Variants in GLYATL1B observed in about 807,000 individuals in gnomAD.
The protein encoded by GLYATL1B is glycine-N-acyltransferase like 1B.
A neutral mutation model predicts 5.5 loss-of-function variants in GLYATL1B; 6 were observed. The ratio of observed to expected loss-of-function variants is 1.09; its 90% CI spans 0.60 to 2.15. GLYATL1B has a LOEUF of 2.15. Among genes scored for constraint, GLYATL1B ranks in the 30% most tolerant of loss-of-function variants. The probability of loss-of-function intolerance (pLI) is 0.00; values close to 1 mark genes in which losing one functional copy is unlikely to be tolerated. For missense variants in GLYATL1B, 135 were observed against 94.1 expected (o/e 1.43, Z -1.80); for synonymous variants, 67 against 34.9 (o/e 1.92, Z -3.24).
intron 2 of GLYATL1B, 139 bp from the exon 3 acceptor site, chr11:59,093,390 T>G: frequency 2.6e-6 from 1 of 381,526 alleles, no homozygotes; most frequent in Non-Finnish European, 4.7e-6. Flanking sequence ...TCACTTATAT[T>G]ATCCACGTGC....
At chr11:59,089,107 C>T (rs1291073388) in intron 2 of GLYATL1B, among the ~76,000 whole-genome samples, 1 of 152,124 alleles carries the variant, frequency 6.6e-6, no homozygotes, top group African/African-American at 2.4e-5. Flanking sequence ...AACGGATATT[C>T]AGTTATGATC....
chr11:59,092,343 T>C (rs1859332699), intron 2 of GLYATL1B, among the ~76,000 whole-genome samples: 2 of 152,164 alleles, frequency 1.3e-5, no homozygotes, highest in Non-Finnish European at 2.9e-5. Context: ...TTACAAATTG[T>C]TCCATTTGTT....
In GLYATL1B at chr11:59,091,193, A is replaced by G. The variant is rs374914829; in HGVS notation, c.187-2336A>G. Among the ~76,000 whole-genome samples the G allele has an allele frequency of 2.6e-5, 4 of 152,130 alleles. No homozygotes were observed. In the South Asian group the frequency reaches 8.3e-4, roughly 31 times the overall value. On this transcript the variant is annotated intron_variant, in intron 2 of 4. Coordinates refer to ENST00000527482, the MANE Select transcript of GLYATL1B (RefSeq NM_001355566.1). ...TCTGTATTCATAAGCCAATATGGTCAGTAACTCTCTTTTTGTTATTTCTTT... is the reference window on the plus strand; with the variant it reads ...TCTGTATTCATAAGCCAATATGGTCGGTAACTCTCTTTTTGTTATTTCTTT...
At chr11:59,093,736 G>A in intron 3 of GLYATL1B, 81 bp downstream of exon 3, 2 of 437,576 alleles carry the variant, frequency 4.6e-6, no homozygotes. Context: ...TCACCTGAGA[G>A]CTCATTAGAA....
intron 2 of GLYATL1B, among the ~76,000 whole-genome samples, chr11:59,088,625 C>T (rs1859241888): frequency 6.6e-6 from 1 of 152,154 alleles, no homozygotes; most frequent in Non-Finnish European, 1.5e-5. Context: ...ACTTTGTAGT[C>T]ACTATGTGTA....
intron 2 of GLYATL1B, among the ~76,000 whole-genome samples, chr11:59,090,533 A>AT (rs1394575867): frequency 6.6e-6 from 1 of 151,808 alleles, no homozygotes; most frequent in East Asian, 1.9e-4. Context: ...ATTTTATATT[A>AT]TTTTTTAAGA....
intron 1 of GLYATL1B, 37 bp downstream of exon 1, chr11:59,086,421 G>A (rs1859196883): frequency 5.0e-6 from 2 of 398,380 alleles, no homozygotes; most frequent in African/African-American, 4.1e-5. Context: ...ATGGGAGTAG[G>A]GGTGTTGAGG....
intron 2 of GLYATL1B, among the ~76,000 whole-genome samples, chr11:59,092,876 A>C (rs117081001): frequency 0.014 from 2,066 of 152,346 alleles, 11 homozygotes; most frequent in African/African-American, 0.022. Context: ...CTTAATGTTT[A>C]TATTCACTAA....
intron 2 of GLYATL1B, among the ~76,000 whole-genome samples, chr11:59,089,284 C>A (rs1859258520): frequency 6.6e-6 from 1 of 152,180 alleles, no homozygotes; most frequent in African/African-American, 2.4e-5. Flanking sequence ...GTTCATACTT[C>A]TTTGCCATTA....
chr11:59,091,190 G>C (rs1004140670), intron 2 of GLYATL1B, among the ~76,000 whole-genome samples: 1 of 152,020 alleles, frequency 6.6e-6, no homozygotes, highest in African/African-American at 2.4e-5. Context: ...AGCCAATATG[G>C]TCAGTAACTC....
chr11:59,093,859 G>C lies in GLYATL1B; in HGVS notation c.314-75G>C, dbSNP rs553641948. ...AACTTTGAGAACTACTAAGCACTGA[G>C]GCATTAATCAGGTGTGAGCAGTGTA... is the stretch of plus-strand genomic sequence containing the variant. On this transcript the variant is annotated intron_variant, in intron 3 of 4. Transcript: ENST00000527482. The C allele has an allele frequency of 3.3e-5, 18 of 545,550 alleles. No homozygotes were observed. In the Admixed American group the frequency reaches 5.5e-4, roughly 17 times the overall value. 33.8% of individuals were successfully genotyped at this position (545,550 alleles called of 1,614,324 possible).
chr11:59,089,538 G>C (rs111752080), intron 2 of GLYATL1B, among the ~76,000 whole-genome samples: 2,063 of 152,168 alleles, frequency 0.014, 40 homozygotes, highest in African/African-American at 0.047. Flanking sequence ...ATGCCAAACT[G>C]GTGGGTGAAA....
intron 2 of GLYATL1B, among the ~76,000 whole-genome samples, chr11:59,087,714 A>G (rs1025015070): frequency 1.1e-4 from 16 of 152,080 alleles, no homozygotes; most frequent in Admixed American, 2.6e-4. Context: ...GGGCATGGTG[A>G]TGCGTGCCTA....
At chr11:59,092,689 A>G (rs1414055508) in intron 2 of GLYATL1B, among the ~76,000 whole-genome samples, 1 of 152,216 alleles carries the variant, frequency 6.6e-6, no homozygotes, top group Non-Finnish European at 1.5e-5. Context: ...GTGGCTTGTG[A>G]GAATGAGATC....
At position 59,094,025 on chromosome 11, in the gene GLYATL1B, G is replaced by A. The variant is rs1470619405; in HGVS notation, c.405G>A (p.Thr135=). The part of the protein sequence containing the change: ...VEHSRALLFV[T]EDILKLYATN... Reference sequence around the variant, plus strand: ...ATTCGAGAGCACTCCTCTTTGTTACGGAAGATATCCTGAAGCTCTATGCCA... The same window carrying A: ...ATTCGAGAGCACTCCTCTTTGTTACAGAAGATATCCTGAAGCTCTATGCCA... Residue 135 remains threonine (T), a synonymous_variant, in exon 4 of 5, where the codon ACG becomes ACA. Transcript: ENST00000527482. 22 of 698,468 alleles carry A rather than the reference G, an allele frequency of 3.1e-5. No individual in the cohort carries two copies. Among genetic ancestry groups the A allele is most frequent in the East Asian group, 7.9e-5 (3 of 37,870 alleles). 43.3% of individuals were successfully genotyped at this position (698,468 alleles called of 1,614,324 possible).
intron 2 of GLYATL1B, 24 bp downstream of exon 2, chr11:59,087,195 T>C: frequency 1.8e-6 from 1 of 565,626 alleles, no homozygotes; most frequent in East Asian, 2.7e-5. Context: ...CAGGGACTGG[T>C]GGAGCCAGGC....
intron 3 of GLYATL1B, 130 bp downstream of exon 3, chr11:59,093,785 G>A (rs1859371781): frequency 9.1e-6 from 4 of 437,224 alleles, no homozygotes; most frequent in Admixed American, 8.5e-5. Flanking sequence ...GGGAGAGGTG[G>A]AGCAATCTGT....
intron 1 of GLYATL1B, among the ~76,000 whole-genome samples, chr11:59,086,829 G>T (rs1859202674): frequency 6.6e-6 from 1 of 152,140 alleles, no homozygotes. Flanking sequence ...ATTAACAAGT[G>T]CCCAGCTACT....
intron 2 of GLYATL1B, among the ~76,000 whole-genome samples, chr11:59,090,937 T>C (rs1859295239): frequency 6.6e-6 from 1 of 152,166 alleles, no homozygotes; most frequent in African/African-American, 2.4e-5. Flanking sequence ...CTTAGAGCAC[T>C]TTCCTGTTTT....
Sources: allele counts gnomAD v4.1 joint callset (sites outside exome capture counted in the v4.1 genomes callset), GRCh38; gene constraint gnomAD v4.1.1; transcripts MANE v1.5; gene names NCBI Gene and HGNC (gene_info 2026-07-23, HGNC 2026-07-21).